Variants in PCDHA1 observed in about 807,000 individuals in gnomAD.
PCDHA1 encodes the protein protocadherin alpha 1.
In PCDHA1, 42 loss-of-function variants were observed where a neutral mutation model predicts 61.3. That is an observed-to-expected ratio of 0.69 (90% CI 0.54 to 0.89). PCDHA1 has a LOEUF of 0.89. Among genes scored for constraint, PCDHA1 ranks in the 40% least tolerant of loss-of-function variants. PCDHA1 has a pLI of 0.00. For missense variants in PCDHA1, 1,256 were observed against 1,235.3 expected, an observed-to-expected ratio of 1.02 and a Z score of -0.25; for synonymous variants, 610 against 553.8, an observed-to-expected ratio of 1.10 and a Z score of -1.43.
Position 141,010,389 on chromosome 5 carries a change from G to A in PCDHA1, c.*452G>A. The A allele has an allele frequency of 1.4e-6, 2 of 1,400,314 alleles. No individual in the cohort carries two copies. Among genetic ancestry groups the A allele is most frequent in the Non-Finnish European group, 1.9e-6 (2 of 1,052,510 alleles). The allele number at this position is 1,400,314 out of a possible 1,614,324, so 86.7% of individuals were successfully genotyped here. ...TATGCGAGTGCCAGATATTGGCTGA[G>A]ACGAGCCAGCTTAGACTAATTGGTA... On this transcript the variant is annotated 3_prime_UTR_variant, in exon 4 of 4. Coordinates refer to ENST00000504120, the MANE Select transcript of PCDHA1 (RefSeq NM_018900.4).
chr5:140,802,262 A>C (rs782016322), intron 1 of PCDHA1: 5 of 1,614,236 alleles, frequency 3.1e-6, no homozygotes, highest in Non-Finnish European at 4.2e-6. Context: ...TTCAATCACT[A>C]TCTTTACCTG....
At chr5:140,983,739 G>A (rs983923811) in intron 3 of PCDHA1, among the ~76,000 whole-genome samples, 1 of 152,194 alleles carries the variant, frequency 6.6e-6, no homozygotes, top group African/African-American at 2.4e-5. Context: ...TGGCTGGCTT[G>A]CAATAATCCA....
At chr5:140,840,775 T>C (rs1318625823) in intron 1 of PCDHA1, among the ~76,000 whole-genome samples, 1 of 152,052 alleles carries the variant, frequency 6.6e-6, no homozygotes, top group Non-Finnish European at 1.5e-5. Flanking sequence ...GTAGAAAAGT[T>C]AGAATTATAT....
intron 1 of PCDHA1, chr5:140,858,330 G>A: frequency 6.3e-7 from 1 of 1,596,082 alleles, no homozygotes. Context: ...TCTGGGGAGG[G>A]CCTGCCCAAG....
intron 1 of PCDHA1, among the ~76,000 whole-genome samples, chr5:140,964,997 T>C (rs144251011): frequency 3.9e-5 from 6 of 152,316 alleles, no homozygotes; most frequent in African/African-American, 1.4e-4. Context: ...CTTTGAATTC[T>C]GGGTGTCAGG....
chr5:140,810,824 G>A (rs914329970), intron 1 of PCDHA1: 4 of 151,756 alleles, frequency 2.6e-5, no homozygotes, highest in African/African-American at 9.7e-5. Flanking sequence ...GTCTTTTGGT[G>A]AATAGAAAGT....
intron 1 of PCDHA1, chr5:140,803,202 C>T: frequency 6.2e-7 from 1 of 1,613,906 alleles, no homozygotes; most frequent in Non-Finnish European, 8.5e-7. Flanking sequence ...GCTGGTGTCG[C>T]TGGTGGAGAG....
intron 1 of PCDHA1, chr5:140,836,445 G>A: frequency 3.1e-6 from 5 of 1,613,836 alleles, no homozygotes; most frequent in Non-Finnish European, 4.2e-6. Flanking sequence ...GGGCATTGCA[G>A]GCCCAGAGAC....
chr5:140,871,046 T>C, intron 1 of PCDHA1: 1 of 1,613,310 alleles, frequency 6.2e-7, no homozygotes, highest in Non-Finnish European at 8.5e-7. Context: ...CGACTTCTAG[T>C]ACTGGTGAAG....
At position 140,843,683 on chromosome 5, in the gene PCDHA1, G is replaced by C. The variant is rs2150364990; in HGVS notation, c.2394+54999G>C. ...TCTGGGATCAGTTGATGTAGGCGAA[G>C]AGCAAGATTTAAATGTTGATCATGG... On this transcript the variant is annotated intron_variant, in intron 1 of 3. Coordinates refer to ENST00000504120, the MANE Select transcript of PCDHA1 (RefSeq NM_018900.4). 1.7e-5 allele frequency: 27 copies of C among 1,589,836 alleles called. 2 individuals are homozygous for C. The highest frequency in any genetic ancestry group is 1.7e-4 in the Middle Eastern group (1 of 6,012).
At chr5:140,883,619 A>T (rs1554178937) in intron 1 of PCDHA1, 2 of 1,613,984 alleles carry the variant, frequency 1.2e-6, no homozygotes, top group Admixed American at 3.3e-5. Context: ...CGTGAACGAC[A>T]ACGCGCCGGC....
chr5:140,898,764 T>A (rs2066960471), intron 1 of PCDHA1, among the ~76,000 whole-genome samples: 1 of 152,192 alleles, frequency 6.6e-6, no homozygotes, highest in Non-Finnish European at 1.5e-5. Context: ...GCATTGAATC[T>A]GTAAATTACC....
chr5:140,823,733 A>G (rs2150128573), intron 1 of PCDHA1: 3 of 1,613,866 alleles, frequency 1.9e-6, no homozygotes, highest in Non-Finnish European at 1.7e-6. Flanking sequence ...GTGAAGGACC[A>G]TGGAGAGCCC....
rs1554181708 is a variant in PCDHA1, at chr5:140,884,544, G to C, written c.2395-94405G>C. 1.9e-6 allele frequency: 3 copies of C among 1,614,222 alleles called. No individual in the cohort carries two copies. In the Admixed American group the frequency reaches 5.0e-5, roughly 27 times the overall value. On this transcript the variant is annotated intron_variant, in intron 1 of 3. Coordinates refer to ENST00000504120, the MANE Select transcript of PCDHA1 (RefSeq NM_018900.4). Reference sequence around the variant, plus strand: ...TCGCAGCAGAGGCGGCCGAGGGTGTGCTCTGGGGAGGGCCCGCATAAGACG... The same window carrying C: ...TCGCAGCAGAGGCGGCCGAGGGTGTCCTCTGGGGAGGGCCCGCATAAGACG...
Position 140,858,482 on chromosome 5 carries a change from A to G in PCDHA1, c.2394+69798A>G, listed in dbSNP as rs369228910. The G allele has an allele frequency of 2.7e-6, 4 of 1,507,654 alleles. 1 individual carries two copies. In the African/African-American group the frequency reaches 5.6e-5, roughly 21 times the overall value. 93.4% of individuals were successfully genotyped at this position (1,507,654 alleles called of 1,614,324 possible). On this transcript the variant is annotated intron_variant, in intron 1 of 3. Transcript: ENST00000504120. Reference sequence around the variant, plus strand: ...TTTCCTTTTGTGCTTTATGAATAATATTTTCTCTTACCGCATTTTCTCAAA... The same window carrying G: ...TTTCCTTTTGTGCTTTATGAATAATGTTTTCTCTTACCGCATTTTCTCAAA...
chr5:140,855,323 G>C lies in PCDHA1; in HGVS notation c.2394+66639G>C, dbSNP rs186152172. The stretch of plus-strand genomic sequence containing the variant: ...TTATAAAATTGGAACATGAGGGAGG[G>C]AGAGGTTAAACGATTTTCCCAAGTC... On this transcript the variant is annotated intron_variant, in intron 1 of 3. Transcript: ENST00000504120. 5.3e-5 allele frequency among the ~76,000 whole-genome samples: 8 copies of C among 149,960 alleles called. 1 individual carries two copies. The highest frequency in any genetic ancestry group is 7.5e-5 in the Non-Finnish European group (5 of 67,078).
chr5:140,875,961 C>G, intron 1 of PCDHA1: 1 of 1,614,004 alleles, frequency 6.2e-7, no homozygotes, highest in Non-Finnish European at 8.5e-7. Flanking sequence ...CGGATATCGG[C>G]GTAAACTCTC....
At chr5:141,006,996 G>T (rs1206587874) in intron 3 of PCDHA1, among the ~76,000 whole-genome samples, 2 of 152,136 alleles carry the variant, frequency 1.3e-5, no homozygotes, top group African/African-American at 4.8e-5. Flanking sequence ...TAAAATATAA[G>T]TCTGCATCTC....
chr5:140,981,940 T>A (rs2096958372), intron 2 of PCDHA1, among the ~76,000 whole-genome samples: 1 of 152,160 alleles, frequency 6.6e-6, no homozygotes, highest in Non-Finnish European at 1.5e-5. Flanking sequence ...TCAGGAAATA[T>A]AGGGTGGGTC....
Sources: gnomAD v4.1 joint callset for allele counts (sites outside exome capture counted in the v4.1 genomes callset) on GRCh38, gnomAD v4.1.1 for gene constraint, MANE v1.5 for transcripts, NCBI Gene and HGNC (gene_info 2026-07-23, HGNC 2026-07-21) for gene names.